SPAG16: variants seen among roughly 807,000 people sequenced by gnomAD.
SPAG16 encodes sperm-associated antigen 16 protein.
In SPAG16, 86 loss-of-function variants were observed where a neutral mutation model predicts 80.4. The ratio of observed to expected loss-of-function variants is 1.07; its 90% CI spans 0.90 to 1.28. The LOEUF is 1.28. SPAG16 is among the 50% of genes most tolerant of loss of function. SPAG16 has a pLI of 0.00. For synonymous variants in SPAG16, 294 were observed against 265.9 expected, an observed-to-expected ratio of 1.11 and a Z score of -1.03; for missense variants, 870 against 765.3, an observed-to-expected ratio of 1.14 and a Z score of -1.61.
At chr2:213,508,345 G>T (rs2075059223) in intron 10 of SPAG16, among the ~76,000 whole-genome samples, 1 of 152,284 alleles carries the variant, frequency 6.6e-6, no homozygotes, top group African/African-American at 2.4e-5. Flanking sequence ...GGCCGAGGCG[G>T]GTGGATCATG....
intron 9 of SPAG16, among the ~76,000 whole-genome samples, chr2:213,450,795 T>G (rs2071638101): frequency 6.6e-6 from 1 of 152,232 alleles, no homozygotes; most frequent in Non-Finnish European, 1.5e-5. Flanking sequence ...TAGCTTGCTC[T>G]GAAAGAACTA....
intron 1 of SPAG16, among the ~76,000 whole-genome samples, chr2:213,289,312 C>T (rs564651648): frequency 6.6e-6 from 1 of 152,312 alleles, no homozygotes; most frequent in South Asian, 2.1e-4. Flanking sequence ...ACTTATACCA[C>T]CAGCTGCCAT....
chr2:214,141,293 T>C (rs10932526), intron 14 of SPAG16, among the ~76,000 whole-genome samples: 5,093 of 151,712 alleles, frequency 0.034, 235 homozygotes, highest in East Asian at 0.18. Flanking sequence ...ATGGTGAAAC[T>C]CCGTCTCTAC....
intron 7 of SPAG16, among the ~76,000 whole-genome samples, chr2:213,360,993 G>A (rs1400728132): frequency 1.3e-5 from 2 of 151,558 alleles, no homozygotes; most frequent in African/African-American, 2.4e-5. Flanking sequence ...AGCTTACTGT[G>A]TTTCTCCTTA....
chr2:214,026,612 G>A (rs1157113043), intron 13 of SPAG16, among the ~76,000 whole-genome samples: 1 of 151,372 alleles, frequency 6.6e-6, no homozygotes, highest in East Asian at 1.9e-4. Flanking sequence ...TTTCTGCTTT[G>A]AGTGTATTTG....
intron 14 of SPAG16, among the ~76,000 whole-genome samples, chr2:214,130,543 G>A (rs1369690921): frequency 6.6e-6 from 1 of 152,198 alleles, no homozygotes; most frequent in Non-Finnish European, 1.5e-5. Context: ...CTCTTCAGAT[G>A]TGGAGTAGTA....
chr2:213,950,362 G>A (rs2079690084), intron 12 of SPAG16, among the ~76,000 whole-genome samples: 2 of 152,108 alleles, frequency 1.3e-5, no homozygotes, highest in South Asian at 4.1e-4. Flanking sequence ...CATAGTTACA[G>A]ACATTTTGCT....
At chr2:214,170,316 AAATT>A (rs745403751) in intron 15 of SPAG16, among the ~76,000 whole-genome samples, 1 of 151,748 alleles carries the variant, frequency 6.6e-6, no homozygotes, top group East Asian at 1.9e-4. Context: ...AATTAAAATA[AAATT>A]AATTAAATAT....
intron 10 of SPAG16, among the ~76,000 whole-genome samples, chr2:213,834,024 T>A (rs1454032924): frequency 6.6e-6 from 1 of 152,064 alleles, no homozygotes; most frequent in African/African-American, 2.4e-5. Flanking sequence ...GGCTGGTCCT[T>A]CCTGTGCTAT....
At chr2:213,916,890 T>C (rs767998585) in intron 11 of SPAG16, among the ~76,000 whole-genome samples, 4 of 152,234 alleles carry the variant, frequency 2.6e-5, no homozygotes, top group Non-Finnish European at 4.4e-5. Flanking sequence ...CAGAGTGATA[T>C]TTCCTAGGTT....
intron 10 of SPAG16, among the ~76,000 whole-genome samples, chr2:213,692,665 C>T (rs2125299635): frequency 6.6e-6 from 1 of 152,114 alleles, no homozygotes; most frequent in Non-Finnish European, 1.5e-5. Context: ...AAAAAATTAG[C>T]CCGCCATGGT....
intron 10 of SPAG16, among the ~76,000 whole-genome samples, chr2:213,526,787 GT>G (rs1476747513): frequency 6.6e-6 from 1 of 152,094 alleles, no homozygotes; most frequent in Non-Finnish European, 1.5e-5. Flanking sequence ...AAATTTCTAG[GT>G]TAATTTTTTT....
At chr2:213,857,987 T>C (rs1211769962) in intron 10 of SPAG16, among the ~76,000 whole-genome samples, 5 of 152,214 alleles carry the variant, frequency 3.3e-5, no homozygotes, top group Admixed American at 6.5e-5. Flanking sequence ...AAGTGCATCC[T>C]GAAAATGCGA....
At chr2:213,801,033 A>G (rs1355913770) in intron 10 of SPAG16, among the ~76,000 whole-genome samples, 1 of 152,212 alleles carries the variant, frequency 6.6e-6, no homozygotes, top group Non-Finnish European at 1.5e-5. Flanking sequence ...AAAAACAATA[A>G]TGCCAATACT....
chr2:213,643,631 G>T lies in SPAG16; in HGVS notation c.1070+153541G>T, dbSNP rs1179734142. On this transcript the variant is annotated intron_variant, in intron 10 of 15. Coordinates refer to ENST00000331683, the MANE Select transcript of SPAG16 (RefSeq NM_024532.5). Reference sequence around the variant, plus strand: ...TCTCTTTTTCTACTTCCTCTTTATGGCCAATAACTCTTAGATTTGCCCTTT... The same window carrying T: ...TCTCTTTTTCTACTTCCTCTTTATGTCCAATAACTCTTAGATTTGCCCTTT... Among the ~76,000 whole-genome samples the T allele has an allele frequency of 2.0e-5, 3 of 148,994 alleles. No homozygotes were observed. The East Asian group carries it at 5.9e-4, about 29-fold the overall frequency.
chr2:213,748,922 G>C (rs530657801), intron 10 of SPAG16, among the ~76,000 whole-genome samples: 6 of 152,260 alleles, frequency 3.9e-5, no homozygotes, highest in African/African-American at 1.4e-4. Flanking sequence ...GCCTAGGCAG[G>C]GGGATCATGA....
At chr2:214,209,006 G>GTTA (rs1455391012) in intron 15 of SPAG16, among the ~76,000 whole-genome samples, 1 of 151,922 alleles carries the variant, frequency 6.6e-6, no homozygotes, top group East Asian at 1.9e-4. Context: ...TCTGTTTTTT[G>GTTA]TTATTATTAT....
intron 10 of SPAG16, among the ~76,000 whole-genome samples, chr2:213,780,018 G>A (rs2069844265): frequency 6.6e-6 from 1 of 152,164 alleles, no homozygotes; most frequent in African/African-American, 2.4e-5. Flanking sequence ...TACTAGGCAT[G>A]CTGACTCCTG....
At chr2:214,180,057 G>T (rs1005498882) in intron 15 of SPAG16, among the ~76,000 whole-genome samples, 2 of 151,428 alleles carry the variant, frequency 1.3e-5, no homozygotes, top group Admixed American at 6.6e-5. Flanking sequence ...ATAATATTCT[G>T]CATCTTTCAT....
Sources: gnomAD v4.1 joint callset for allele counts (sites outside exome capture counted in the v4.1 genomes callset) on GRCh38, gnomAD v4.1.1 for gene constraint, MANE v1.5 for transcripts, NCBI Gene and HGNC (gene_info 2026-07-23, HGNC 2026-07-21) for gene names.